Variants in RTL4 observed in about 807,000 individuals in gnomAD.
The protein encoded by RTL4 is retrotransposon Gag-like protein 4.
RTL4 carries 4 observed loss-of-function variants against 5.3 expected under a neutral mutation model. The ratio of observed to expected loss-of-function variants is 0.75; its 90% CI spans 0.37 to 1.72. RTL4 has a LOEUF of 1.72. Ranked by LOEUF, RTL4 falls within the 40% of genes most tolerant of loss-of-function variation. RTL4 has a pLI of 0.04. For synonymous variants in RTL4, 98 were observed against 87.3 expected (o/e 1.12, Z -0.68); for missense variants, 260 against 227.1 (o/e 1.14, Z -0.93).
the RTL4 span, among the ~76,000 whole-genome samples, chrX:112,121,151 A>G: frequency 8.9e-6 from 1 of 112,239 alleles, no homozygotes; most frequent in Admixed American, 9.5e-5. Flanking sequence ...AAAAGTTAAA[A>G]AAGATAGTTG....
At chrX:112,191,550 T>C in the RTL4 span, among the ~76,000 whole-genome samples, 1 of 111,903 alleles carries the variant, frequency 8.9e-6, no homozygotes, top group Admixed American at 9.5e-5. Flanking sequence ...ACTGTCACTA[T>C]GGGCTTAGGC....
the RTL4 span, among the ~76,000 whole-genome samples, chrX:112,108,526 G>A: frequency 9.0e-6 from 1 of 111,527 alleles, no homozygotes; most frequent in Non-Finnish European, 1.9e-5. Context: ...GCTTGCTGCT[G>A]GAGTCTTTGG....
chrX:112,263,314 G>A, the RTL4 span, among the ~76,000 whole-genome samples: 1 of 110,792 alleles, frequency 9.0e-6, no homozygotes, highest in Non-Finnish European at 1.9e-5. Flanking sequence ...TGAGAGTCTT[G>A]GAGCACAACA....
At chrX:112,392,951 A>G in the RTL4 span, among the ~76,000 whole-genome samples, 1 of 110,561 alleles carries the variant, frequency 9.0e-6, no homozygotes, top group African/African-American at 3.3e-5. Flanking sequence ...AACAGCAAAG[A>G]TGATGGCCTG....
the RTL4 span, among the ~76,000 whole-genome samples, chrX:112,108,887 A>T: frequency 9.0e-6 from 1 of 111,426 alleles, no homozygotes; most frequent in African/African-American, 3.3e-5. Context: ...CTGAAGGCTC[A>T]GTCTGTGGAT....
chrX:112,113,002 G>A, the RTL4 span, among the ~76,000 whole-genome samples: 1 of 111,768 alleles, frequency 8.9e-6, no homozygotes. Context: ...CTAAGATCTT[G>A]CACTAATCTC....
At chrX:112,114,335 T>G in the RTL4 span, among the ~76,000 whole-genome samples, 1 of 111,868 alleles carries the variant, frequency 8.9e-6, no homozygotes, top group South Asian at 3.8e-4. Flanking sequence ...TTTGTCCCTT[T>G]CTTTGGTTAT....
At chrX:112,339,448 A>G in the RTL4 span, among the ~76,000 whole-genome samples, 2 of 112,170 alleles carry the variant, frequency 1.8e-5, no homozygotes, top group Non-Finnish European at 3.8e-5. Context: ...GTTTAAAGGA[A>G]AAGACAAAGA....
At chrX:112,106,770 T>G in the RTL4 span, among the ~76,000 whole-genome samples, 1 of 112,168 alleles carries the variant, frequency 8.9e-6, no homozygotes, top group Non-Finnish European at 1.9e-5. Flanking sequence ...TTAGTGATCT[T>G]GAGCACTTTA....
At chrX:112,380,150 A>ATT in the RTL4 span, among the ~76,000 whole-genome samples, 14,002 of 100,026 alleles carry the variant, frequency 0.14, 985 homozygotes, top group Admixed American at 0.27. Context: ...ATGAAGATCA[A>ATT]TTTTTTTTTT....
chrX:112,291,517 C>T, the RTL4 span, among the ~76,000 whole-genome samples: 5 of 110,496 alleles, frequency 4.5e-5, no homozygotes, highest in African/African-American at 1.6e-4. Context: ...TTCATAGGTT[C>T]ATAGGTCAAT....
chrX:112,097,752 G>A, the RTL4 span, among the ~76,000 whole-genome samples: 1 of 111,306 alleles, frequency 9.0e-6, no homozygotes, highest in Non-Finnish European at 1.9e-5. Context: ...AAATGACAAT[G>A]AGCACTTCTG....
At chrX:112,442,415 A>ATTT in the RTL4 span, among the ~76,000 whole-genome samples, 1 of 97,215 alleles carries the variant, frequency 1.0e-5, no homozygotes, top group African/African-American at 3.7e-5. Context: ...TAATTTTTGT[A>ATTT]TTTTTTTTTT....
chrX:112,309,386 A>G, the RTL4 span, among the ~76,000 whole-genome samples: 1 of 111,303 alleles, frequency 9.0e-6, no homozygotes, highest in Non-Finnish European at 1.9e-5. Context: ...CCAAAGCTCC[A>G]TCTTCAAATG....
At chrX:112,340,156 G>A in the RTL4 span, among the ~76,000 whole-genome samples, 1 of 112,329 alleles carries the variant, frequency 8.9e-6, no homozygotes, top group Non-Finnish European at 1.9e-5. Flanking sequence ...GTAGTTTACT[G>A]GGTAATTTAG....
the RTL4 span, among the ~76,000 whole-genome samples, chrX:112,266,709 C>A: frequency 1.8e-5 from 2 of 111,213 alleles, no homozygotes; most frequent in Non-Finnish European, 3.8e-5. Context: ...AATATCAGTA[C>A]CTTCTCCTTT....
chrX:112,393,163 T>C, the RTL4 span, among the ~76,000 whole-genome samples: 3 of 93,468 alleles, frequency 3.2e-5, no homozygotes, highest in Non-Finnish European at 5.9e-5. Flanking sequence ...TTTTTTTTGT[T>C]TTTTTTTTTT....
At chrX:112,349,472 A>G in the RTL4 span, among the ~76,000 whole-genome samples, 1 of 109,258 alleles carries the variant, frequency 9.2e-6, no homozygotes, top group African/African-American at 3.3e-5. Context: ...CATTTTCACG[A>G]TATTGATTCT....
At chrX:112,107,543 A>G in the RTL4 span, among the ~76,000 whole-genome samples, 1 of 112,049 alleles carries the variant, frequency 8.9e-6, no homozygotes, top group African/African-American at 3.2e-5. Context: ...GGGAAATTGT[A>G]TCTCTCCTTC....
Sources: gnomAD v4.1 joint callset for allele counts (sites outside exome capture counted in the v4.1 genomes callset) on GRCh38, gnomAD v4.1.1 for gene constraint, MANE v1.5 for transcripts, NCBI Gene and HGNC (gene_info 2026-07-23, HGNC 2026-07-21) for gene names.